Variants in TANGO6 observed in about 807,000 individuals in gnomAD.
TANGO6 encodes transport and golgi organization 6 homolog, also known as transport and Golgi organization protein 6 homolog.
A neutral mutation model predicts 114.2 loss-of-function variants in TANGO6; 90 were observed. That is an observed-to-expected ratio of 0.79 (90% CI 0.66 to 0.94). TANGO6 has a LOEUF of 0.94. Ranked by LOEUF, TANGO6 falls within the 40% of genes least tolerant of loss-of-function variation. The pLI is 0.00. For missense variants in TANGO6, 1,274 were observed against 1,315.3 expected, an observed-to-expected ratio of 0.97 and a Z score of 0.49; for synonymous variants, 477 against 509.8, an observed-to-expected ratio of 0.94 and a Z score of 0.87.
chr16:69,040,605 A>C (rs1193714288), intron 17 of TANGO6, among the ~76,000 whole-genome samples, 184 bp downstream of exon 17: 1 of 152,132 alleles, frequency 6.6e-6, no homozygotes, highest in Non-Finnish European at 1.5e-5. Context: ...TGTCTCTATT[A>C]CCTCAGTAAC....
chr16:68,882,401 A>G (rs1490188075), intron 7 of TANGO6, among the ~76,000 whole-genome samples: 22 of 152,090 alleles, frequency 1.4e-4, no homozygotes, highest in East Asian at 3.9e-4. Flanking sequence ...GGAGGCTGAA[A>G]CAGGAGAATG....
intron 16 of TANGO6, chr16:69,034,941 T>C (rs1959663176): frequency 6.6e-6 from 1 of 151,900 alleles, no homozygotes; most frequent in South Asian, 2.1e-4. Flanking sequence ...TGATAGATTC[T>C]TCATCTTTAT....
chr16:69,022,133 A>G (rs1371830488), intron 15 of TANGO6, among the ~76,000 whole-genome samples: 3 of 151,664 alleles, frequency 2.0e-5, no homozygotes, highest in African/African-American at 7.3e-5. Flanking sequence ...TGATCCGCCC[A>G]CCTCGGCCTC....
rs1961754477 is a variant in TANGO6, at chr16:68,843,571, T to C, written c.-47T>C. On this transcript the variant is annotated 5_prime_UTR_variant, in exon 1 of 18. Coordinates refer to ENST00000261778, the MANE Select transcript of TANGO6 (RefSeq NM_024562.2). ...ACTTAACATGGCGGCGGCGGCGCCCTGCCGAGGCGCCTGAGCGGGTCGCGA... is the reference window on the plus strand; with the variant it reads ...ACTTAACATGGCGGCGGCGGCGCCCCGCCGAGGCGCCTGAGCGGGTCGCGA... 1.9e-6 allele frequency: 3 copies of C among 1,573,994 alleles called. No individual in the cohort carries two copies. The highest frequency in any genetic ancestry group is 2.6e-6 in the Non-Finnish European group (3 of 1,151,480).
At chr16:69,033,010 A>AC (rs1396309780) in intron 16 of TANGO6, among the ~76,000 whole-genome samples, 2 of 151,870 alleles carry the variant, frequency 1.3e-5, no homozygotes, top group Non-Finnish European at 2.9e-5. Flanking sequence ...ACATGGTGAA[A>AC]CCCCATCTCC....
chr16:68,985,663 T>C (rs1963882135), intron 15 of TANGO6, among the ~76,000 whole-genome samples: 2 of 152,126 alleles, frequency 1.3e-5, no homozygotes, highest in South Asian at 4.1e-4. Context: ...CAGTGAGCCA[T>C]GATTGTGCCA....
At position 68,895,620 on chromosome 16, in the gene TANGO6, T is replaced by G. The variant is rs1003096951; in HGVS notation, c.1378-4814T>G. ...TTAAAGAAGAAAAATCATTTCATAG[T>G]GGTTAGGTGCTCAATATTTGAATGA... On this transcript the variant is annotated intron_variant, in intron 7 of 17. Coordinates refer to ENST00000261778, the MANE Select transcript of TANGO6 (RefSeq NM_024562.2). Among the ~76,000 whole-genome samples the G allele has an allele frequency of 5.9e-4, 90 of 152,222 alleles. 1 individual carries two copies. The highest frequency in any genetic ancestry group is 2.1e-3 in the African/African-American group (88 of 41,546).
chr16:69,035,316 GTTAAGGT>G (rs1959668850), intron 16 of TANGO6: 1 of 152,218 alleles, frequency 6.6e-6, no homozygotes, highest in Non-Finnish European at 1.5e-5. Flanking sequence ...TGTCTTTGCT[GTTAAGGT>G]TTCTTGGTTT....
intron 15 of TANGO6, among the ~76,000 whole-genome samples, chr16:69,004,034 G>A (rs944502469): frequency 2.6e-5 from 4 of 151,142 alleles, no homozygotes; most frequent in African/African-American, 7.3e-5. Context: ...TTCAATAGCA[G>A]CATATCTTCT....
chr16:68,914,566 A>T (rs551608266), intron 11 of TANGO6, among the ~76,000 whole-genome samples: 1 of 152,308 alleles, frequency 6.6e-6, no homozygotes, highest in South Asian at 2.1e-4. Context: ...GGGCACTGCT[A>T]TTTTTCACTA....
Position 68,974,125 on chromosome 16 carries a change from A to T in TANGO6, c.2799A>T (p.Arg933Ser), listed in dbSNP as rs773591452. The T allele has an allele frequency of 6.2e-7, 1 of 1,613,982 alleles. No individual in the cohort carries two copies. The highest frequency in any genetic ancestry group is 1.1e-5 in the South Asian group (1 of 91,068). ...SSKDKHTPET[R>S]MKVGEVLMRI... ...AAGACAAGCACACACCAGAGACCAG[A>T]ATGAAAGTCGGGGAAGTCCTTATGC... Residue 933 changes from arginine to serine, a missense_variant, in exon 15 of 18, where the codon AGA becomes AGT. Arg to Ser is a moderately radical substitution (Grantham distance 110). Coordinates refer to ENST00000261778, the MANE Select transcript of TANGO6 (RefSeq NM_024562.2).
chr16:68,851,380 G>A (rs1283072062), intron 1 of TANGO6, among the ~76,000 whole-genome samples: 2 of 151,988 alleles, frequency 1.3e-5, no homozygotes, highest in Non-Finnish European at 2.9e-5. Context: ...GGCTGGCCTC[G>A]AACTCCTGAC....
intron 14 of TANGO6, chr16:68,933,906 G>C (rs1963273383): frequency 6.6e-6 from 1 of 152,296 alleles, no homozygotes. Context: ...ACAAAGGTAA[G>C]TGCAGGTTCT....
intron 14 of TANGO6, among the ~76,000 whole-genome samples, chr16:68,943,439 C>T (rs1242386057): frequency 6.6e-6 from 1 of 151,000 alleles, no homozygotes; most frequent in Non-Finnish European, 1.5e-5. Context: ...TCTTGGCTCC[C>T]TGCAAGCTCC....
intron 16 of TANGO6, among the ~76,000 whole-genome samples, chr16:69,031,274 A>G (rs1384152272): frequency 6.6e-6 from 1 of 151,968 alleles, no homozygotes; most frequent in Non-Finnish European, 1.5e-5. Context: ...ATCTTGATTC[A>G]TCTTGTCATA....
chr16:68,967,449 G>A (rs184902842), intron 14 of TANGO6, among the ~76,000 whole-genome samples: 1 of 152,258 alleles, frequency 6.6e-6, no homozygotes, highest in Admixed American at 6.5e-5. Flanking sequence ...GGCCATGCCC[G>A]GTAACAGTCT....
At chr16:69,025,437 C>T (rs1959484645) in intron 16 of TANGO6, among the ~76,000 whole-genome samples, 1 of 152,090 alleles carries the variant, frequency 6.6e-6, no homozygotes, top group African/African-American at 2.4e-5. Flanking sequence ...TTCATAGGCA[C>T]AAGTTGCATG....
At chr16:68,864,269 AG>A (rs1245702736) in intron 3 of TANGO6, among the ~76,000 whole-genome samples, 3 of 152,000 alleles carry the variant, frequency 2.0e-5, no homozygotes, top group Admixed American at 2.0e-4. Context: ...TTATGAATCT[AG>A]GTGTGTAAAG....
chr16:69,016,398 C>CA (rs879776587), intron 15 of TANGO6, among the ~76,000 whole-genome samples: 175 of 124,158 alleles, frequency 1.4e-3, no homozygotes, highest in Middle Eastern at 3.9e-3. Context: ...AACTCCATCT[C>CA]AAAAAAAAAA....
Sources: allele counts gnomAD v4.1 joint callset (sites outside exome capture counted in the v4.1 genomes callset), GRCh38; gene constraint gnomAD v4.1.1; transcripts MANE v1.5; gene names NCBI Gene and HGNC (gene_info 2026-07-23, HGNC 2026-07-21).